Variants in EMSY observed in about 807,000 individuals in gnomAD.
EMSY encodes EMSY transcriptional repressor, BRCA2 interacting, also known as BRCA2-interacting transcriptional repressor EMSY.
EMSY carries 26 observed loss-of-function variants against 134.6 expected under a neutral mutation model. The ratio of observed to expected loss-of-function variants is 0.19; its 90% CI spans 0.14 to 0.27. The LOEUF is 0.27. Among genes scored for constraint, EMSY ranks in the 10% least tolerant of loss-of-function variants. The probability of loss-of-function intolerance (pLI) is 1.00; values close to 1 mark genes in which losing one functional copy is unlikely to be tolerated. For missense variants in EMSY, 1,305 were observed against 1,611.4 expected, an observed-to-expected ratio of 0.81 and a Z score of 3.26; for synonymous variants, 579 against 577.8, an observed-to-expected ratio of 1.00 and a Z score of -0.03.
intron 4 of EMSY, among the ~76,000 whole-genome samples, chr11:76,455,757 T>A (rs934558460): frequency 6.6e-6 from 1 of 152,220 alleles, no homozygotes; most frequent in Non-Finnish European, 1.5e-5. Context: ...AGTTTGATAC[T>A]CTTAATTCAG....
At chr11:76,525,679 T>C (rs1253370278) in intron 12 of EMSY, among the ~76,000 whole-genome samples, 2 of 152,028 alleles carry the variant, frequency 1.3e-5, no homozygotes, top group Non-Finnish European at 2.9e-5. Flanking sequence ...GTATAGAAAA[T>C]GATGAAAAGT....
intron 6 of EMSY, among the ~76,000 whole-genome samples, chr11:76,462,089 A>T: frequency 6.6e-6 from 1 of 151,530 alleles, no homozygotes; most frequent in Non-Finnish European, 1.5e-5. Flanking sequence ...ATACAAAAAA[A>T]TTAGCCAGGT....
At chr11:76,471,785 T>G (rs1399439411) in intron 7 of EMSY, among the ~76,000 whole-genome samples, 1 of 152,222 alleles carries the variant, frequency 6.6e-6, no homozygotes, top group African/African-American at 2.4e-5. Flanking sequence ...ATTACTTCTC[T>G]GCAGTTGTCT....
At chr11:76,518,167 CTTT>C (rs35911259) in intron 11 of EMSY, among the ~76,000 whole-genome samples, 2 of 119,506 alleles carry the variant, frequency 1.7e-5, no homozygotes, top group Non-Finnish European at 3.4e-5. Flanking sequence ...GAAGTACTTT[CTTT>C]TTTTTTTTTT....
intron 11 of EMSY, 56 bp from the exon 13 acceptor site, chr11:76,523,099 T>A (rs1199223127): frequency 3.9e-6 from 6 of 1,526,434 alleles, no homozygotes; most frequent in East Asian, 2.3e-5. Context: ...TAAACAAAAA[T>A]AACCAAGTAT....
intron 11 of EMSY, among the ~76,000 whole-genome samples, chr11:76,522,737 G>A (rs750654188): frequency 6.6e-6 from 1 of 152,196 alleles, no homozygotes; most frequent in African/African-American, 2.4e-5. Context: ...CTAGTGTTAT[G>A]TAAATTTAAG....
At chr11:76,450,035 C>T (rs1262380245) in intron 2 of EMSY, among the ~76,000 whole-genome samples, 4 of 147,900 alleles carry the variant, frequency 2.7e-5, no homozygotes, top group Non-Finnish European at 5.9e-5. Context: ...TGTTCTTTTA[C>T]TCTATTTCTT....
At chr11:76,536,089 G>T in intron 15 of EMSY, 30 bp downstream of exon 16, 3 of 1,425,962 alleles carry the variant, frequency 2.1e-6, no homozygotes, top group Non-Finnish European at 2.8e-6. Flanking sequence ...ATTGAATGAA[G>T]CATGTTTTCT....
intron 2 of EMSY, among the ~76,000 whole-genome samples, chr11:76,450,227 A>G (rs774486026): frequency 6.6e-6 from 1 of 152,204 alleles, no homozygotes; most frequent in Non-Finnish European, 1.5e-5. Flanking sequence ...GTTGAATAAA[A>G]TATTTCATAA....
At chr11:76,516,146 A>G (rs1261407478) in exon 11 of EMSY, 2 of 1,610,776 alleles carry the variant, frequency 1.2e-6, no homozygotes, top group Non-Finnish European at 8.5e-7. Context: ...CTGTAGGCAC[A>G]CAAGCAACCT....
chr11:76,536,507 CT>C (rs1951229631), intron 15 of EMSY, among the ~76,000 whole-genome samples: 1 of 152,166 alleles, frequency 6.6e-6, no homozygotes, highest in African/African-American at 2.4e-5. Flanking sequence ...TTTAGTGGCC[CT>C]TGCTAACATT....
At chr11:76,523,222 T>A in exon 12 of EMSY, 1 of 1,613,776 alleles carries the variant, frequency 6.2e-7, no homozygotes, top group Non-Finnish European at 8.5e-7. Flanking sequence ...TACAAAAGAC[T>A]ACAGGAAAAG....
At chr11:76,494,071 G>C (rs903622124) in intron 8 of EMSY, among the ~76,000 whole-genome samples, 1 of 152,266 alleles carries the variant, frequency 6.6e-6, no homozygotes, top group Non-Finnish European at 1.5e-5. Flanking sequence ...CGGTACATCT[G>C]GTCCAGCCGC....
intron 7 of EMSY, among the ~76,000 whole-genome samples, chr11:76,468,997 A>G (rs1239912426): frequency 2.0e-5 from 3 of 152,180 alleles, no homozygotes; most frequent in African/African-American, 7.2e-5. Flanking sequence ...TTAAAGTACA[A>G]GTAGGTTTCC....
At chr11:76,536,014 G>T in exon 15 of EMSY, 1 of 1,594,544 alleles carries the variant, frequency 6.3e-7, no homozygotes, top group Non-Finnish European at 8.5e-7. Context: ...ATCACAATCA[G>T]CTACTTCAAC....
chr11:76,449,648 A>G (rs563071951), intron 2 of EMSY, among the ~76,000 whole-genome samples: 2 of 152,152 alleles, frequency 1.3e-5, no homozygotes, highest in East Asian at 3.9e-4. Flanking sequence ...ACTTCCCACA[A>G]TCAATCAATT....
In EMSY at chr11:76,513,419, GT is replaced by G; in HGVS notation, c.1398del (p.Ser466ArgfsTer8). 6.2e-7 allele frequency: 1 copy of G among 1,613,592 alleles called. No homozygotes were observed. The highest frequency in any genetic ancestry group is 8.5e-7 in the Non-Finnish European group (1 of 1,179,682). On this transcript the variant is annotated frameshift_variant, in exon 10 of 21. Transcript: ENST00000334736. LOFTEE classifies it high-confidence loss of function. ...ATCATCACACAACAGGTTCAACCAA[GT>G]AAAATCTTACCCAAACCAGTGACAG...
At chr11:76,508,089 T>G (rs962538741) in intron 9 of EMSY, among the ~76,000 whole-genome samples, 4 of 152,042 alleles carry the variant, frequency 2.6e-5, no homozygotes, top group Admixed American at 2.6e-4. Context: ...CAGACTGGTC[T>G]CAAACTCCTG....
At chr11:76,544,988 G>A (rs990333818) in intron 19 of EMSY, 166 bp downstream of exon 20, 3 of 723,516 alleles carry the variant, frequency 4.1e-6, no homozygotes, top group Non-Finnish European at 6.6e-6. Flanking sequence ...TTGACATTAG[G>A]GAAGAAATGC....
Sources: gnomAD v4.1 joint callset for allele counts (sites outside exome capture counted in the v4.1 genomes callset) on GRCh38, gnomAD v4.1.1 for gene constraint, MANE v1.5 for transcripts, NCBI Gene and HGNC (gene_info 2026-07-23, HGNC 2026-07-21) for gene names.